Variants in PDE1A observed in about 807,000 individuals in gnomAD.
PDE1A encodes phosphodiesterase 1A.
In PDE1A, 35 loss-of-function variants were observed where a neutral mutation model predicts 61.7. The ratio of observed to expected loss-of-function variants is 0.57; its 90% confidence interval spans 0.43 to 0.75. PDE1A has a LOEUF of 0.75. Among genes scored for constraint, PDE1A ranks in the 30% least tolerant of loss-of-function variants. PDE1A has a pLI of 0.00. For synonymous variants in PDE1A, 232 were observed against 213.2 expected (o/e 1.09, Z -0.77); for missense variants, 597 against 630.6 (o/e 0.95, Z 0.57).
intron 1 of PDE1A, chr2:182,522,583 C>A (rs192269545): frequency 2.4e-5 from 33 of 1,372,144 alleles, no homozygotes; most frequent in South Asian, 5.1e-5. Flanking sequence ...TCACCACCCC[C>A]CTAAGCAGAC....
At chr2:182,281,213 A>T (rs1286677590) in intron 1 of PDE1A, among the ~76,000 whole-genome samples, 2 of 151,914 alleles carry the variant, frequency 1.3e-5, no homozygotes, top group African/African-American at 2.4e-5. Flanking sequence ...TGTTTTCATC[A>T]GTTACTTCAT....
the PDE1A span, among the ~76,000 whole-genome samples, chr2:182,695,450 G>T: frequency 1.3e-5 from 2 of 152,036 alleles, no homozygotes; most frequent in Admixed American, 6.6e-5. Flanking sequence ...CTCTGCAAAA[G>T]AGAATGAAAA....
intron 13 of PDE1A, among the ~76,000 whole-genome samples, chr2:182,185,232 G>A (rs1247489211): frequency 1.3e-5 from 2 of 152,124 alleles, no homozygotes; most frequent in East Asian, 3.9e-4. Flanking sequence ...GGGAGACAGA[G>A]CTGTGGGAAT....
the PDE1A span, among the ~76,000 whole-genome samples, chr2:182,690,817 G>A: frequency 3.0e-4 from 45 of 152,284 alleles, no homozygotes; most frequent in African/African-American, 5.3e-4. Flanking sequence ...AAGCTGATAA[G>A]CAACTTCAGC....
intron 2 of PDE1A, among the ~76,000 whole-genome samples, chr2:182,499,184 T>TTGTTG (rs1553633043): frequency 0.01 from 1,369 of 136,142 alleles, 17 homozygotes; most frequent in Middle Eastern, 0.025. Context: ...TTTTTTTTTT[T>TTGTTG]TTTTTTTTTT....
the PDE1A span, among the ~76,000 whole-genome samples, chr2:182,700,549 C>G: frequency 6.6e-6 from 1 of 151,338 alleles, no homozygotes; most frequent in Non-Finnish European, 1.5e-5. Flanking sequence ...CGGTGAAACC[C>G]CATCTCTACT....
chr2:182,249,579 G>C (rs1240392085), intron 2 of PDE1A, among the ~76,000 whole-genome samples: 1 of 152,116 alleles, frequency 6.6e-6, no homozygotes, highest in Non-Finnish European at 1.5e-5. Flanking sequence ...CAGGACAGAT[G>C]GAGGAATTAA....
intron 1 of PDE1A, among the ~76,000 whole-genome samples, chr2:182,385,351 A>G (rs1451706184): frequency 6.6e-6 from 1 of 152,188 alleles, no homozygotes; most frequent in Admixed American, 6.5e-5. Flanking sequence ...AATAATAGCA[A>G]CAGTAATTTG....
At chr2:182,418,852 T>C (rs1703087269) in intron 1 of PDE1A, among the ~76,000 whole-genome samples, 2 of 152,116 alleles carry the variant, frequency 1.3e-5, no homozygotes. Context: ...ACCCACCATC[T>C]GGCCACAGAT....
rs1036306133 is a variant in PDE1A at position 182,330,994 on chromosome 2, C to T, written c.54-66580G>A. Among the ~76,000 whole-genome samples the T allele has an allele frequency of 8.5e-5, 13 of 152,162 alleles. No individual in the cohort carries two copies. In the South Asian group the frequency reaches 1.0e-3, roughly 12 times the overall value. On this transcript the variant is annotated intron_variant, in intron 1 of 13. Coordinates refer to ENST00000351439, the Ensembl canonical transcript of PDE1A. ...GCTAGTTTCCAGACATTGTGCTCCA[C>T]CTTGCCTCTTAAATTCCAGAGGTAC...
chr2:182,319,105 T>G (rs1455612283), intron 1 of PDE1A, among the ~76,000 whole-genome samples: 1 of 152,150 alleles, frequency 6.6e-6, no homozygotes, highest in Non-Finnish European at 1.5e-5. Flanking sequence ...ATTTTTGCTT[T>G]TGCCAAAAAA....
the PDE1A span, among the ~76,000 whole-genome samples, chr2:182,675,427 T>C: frequency 6.6e-6 from 1 of 152,192 alleles, no homozygotes; most frequent in Non-Finnish European, 1.5e-5. Flanking sequence ...TTCACATGAA[T>C]GTGTCTTATG....
At position 182,230,587 on chromosome 2, in the gene PDE1A, C is replaced by A. The variant is rs541122139; in HGVS notation, c.534+428G>T. 7.9e-5 allele frequency among the ~76,000 whole-genome samples: 12 copies of A among 152,200 alleles called. No homozygotes were observed. In the East Asian group the frequency reaches 2.3e-3, roughly 29 times the overall value. The stretch of plus-strand genomic sequence containing the variant: ...TGAAAGTAATAAGCTACAATCTGCT[C>A]AGTAGTCTGTATCAAATCTATTGCT... On this transcript the variant is annotated intron_variant, in intron 5 of 13. Coordinates refer to ENST00000351439, the Ensembl canonical transcript of PDE1A.
intron 13 of PDE1A, among the ~76,000 whole-genome samples, chr2:182,161,204 G>A (rs1691358498): frequency 6.6e-6 from 1 of 152,154 alleles, no homozygotes; most frequent in African/African-American, 2.4e-5. Context: ...TCCTGAAGGA[G>A]AAGGAGAATC....
At chr2:182,299,857 G>A (rs1695127631) in intron 1 of PDE1A, among the ~76,000 whole-genome samples, 1 of 152,120 alleles carries the variant, frequency 6.6e-6, no homozygotes, top group Admixed American at 6.6e-5. Flanking sequence ...AAGGGACCTT[G>A]ATCATTTCGA....
At chr2:182,463,620 G>A (rs1229333745) in intron 2 of PDE1A, 3 of 152,182 alleles carry the variant, frequency 2.0e-5, no homozygotes, top group Non-Finnish European at 2.9e-5. Context: ...CTGTCAAGAA[G>A]AGCAGGAACA....
chr2:182,436,349 T>C (rs774022860), intron 2 of PDE1A, among the ~76,000 whole-genome samples: 1 of 152,044 alleles, frequency 6.6e-6, no homozygotes, highest in Non-Finnish European at 1.5e-5. Flanking sequence ...ATGCCATAGT[T>C]ACCATAATTT....
chr2:182,649,326 C>T, the PDE1A span, among the ~76,000 whole-genome samples: 1 of 152,156 alleles, frequency 6.6e-6, no homozygotes, highest in Non-Finnish European at 1.5e-5. Context: ...CTATTCCTAA[C>T]ACTTCAGTTC....
intron 1 of PDE1A, among the ~76,000 whole-genome samples, chr2:182,346,450 T>G (rs1188564175): frequency 3.9e-5 from 6 of 152,168 alleles, no homozygotes; most frequent in Admixed American, 3.9e-4. Context: ...ATAGAGAAGA[T>G]GAAGACAATA....
Sources: allele counts gnomAD v4.1 joint callset (sites outside exome capture counted in the v4.1 genomes callset), GRCh38; gene constraint gnomAD v4.1.1; transcripts MANE v1.5; gene names NCBI Gene and HGNC (gene_info 2026-07-23, HGNC 2026-07-21).